The following MYO5B variants were observed in gnomAD, a reference collection of about 807,000 sequenced individuals.
MYO5B encodes the protein unconventional myosin-Vb.
Under a neutral mutation model 229.3 loss-of-function variants are expected in MYO5B, and 143 were observed. The ratio of observed to expected loss-of-function variants is 0.62; its 90% CI spans 0.54 to 0.72. The LOEUF is 0.72. Ranked by LOEUF, MYO5B falls within the 30% of genes least tolerant of loss-of-function variation. MYO5B has a pLI of 0.00. For missense variants in MYO5B, 2,321 were observed against 2,331.0 expected (o/e 1.00, Z 0.09); for synonymous variants, 918 against 885.2 (o/e 1.04, Z -0.66).
At chr18:49,865,298 C>G (rs2024383411) in intron 27 of MYO5B, among the ~76,000 whole-genome samples, 1 of 152,124 alleles carries the variant, frequency 6.6e-6, no homozygotes, top group South Asian at 2.1e-4. Flanking sequence ...GGCCAGGGCT[C>G]CTGACTCCTG....
chr18:49,917,796 G>A (rs994180700), intron 17 of MYO5B, among the ~76,000 whole-genome samples: 7 of 152,182 alleles, frequency 4.6e-5, no homozygotes, highest in African/African-American at 1.7e-4. Flanking sequence ...TGAGCATTCT[G>A]GACTTCAGTG....
intron 31 of MYO5B, among the ~76,000 whole-genome samples, chr18:49,852,110 C>T (rs1337351469): frequency 1.3e-5 from 2 of 152,224 alleles, no homozygotes; most frequent in Non-Finnish European, 2.9e-5. Flanking sequence ...GGTAGGACTC[C>T]TAAGGTAGGA....
intron 4 of MYO5B, among the ~76,000 whole-genome samples, chr18:50,009,550 A>T (rs1386120559): frequency 2.0e-5 from 3 of 152,230 alleles, no homozygotes; most frequent in Non-Finnish European, 4.4e-5. Context: ...AAGAAAAATC[A>T]GATTCGGGGA....
chr18:49,913,154 T>C (rs915664223), intron 17 of MYO5B, among the ~76,000 whole-genome samples: 1 of 152,200 alleles, frequency 6.6e-6, no homozygotes, highest in Non-Finnish European at 1.5e-5. Flanking sequence ...CCCCTACCTA[T>C]GTAGGTGAGT....
chr18:50,187,703 G>A (rs192028533), intron 1 of MYO5B, among the ~76,000 whole-genome samples: 55 of 152,262 alleles, frequency 3.6e-4, no homozygotes, highest in African/African-American at 1.3e-3. Flanking sequence ...TTTTTGTAGA[G>A]ATGAGGTCTC....
chr18:50,154,133 T>G (rs776953439), intron 1 of MYO5B, among the ~76,000 whole-genome samples: 1 of 152,060 alleles, frequency 6.6e-6, no homozygotes, highest in Non-Finnish European at 1.5e-5. Flanking sequence ...TGTGTAGGTC[T>G]GTATGTAGGT....
At chr18:49,856,709 G>A in intron 30 of MYO5B, 104 bp downstream of exon 30, 1 of 942,520 alleles carries the variant, frequency 1.1e-6, no homozygotes, top group Non-Finnish European at 1.7e-6. Context: ...CATGCCAACT[G>A]TTCCCCGTGC....
At position 49,921,842 on chromosome 18, in the gene MYO5B, G is replaced by A. The variant is rs962851291; in HGVS notation, c.2090+7670C>T. ...CAGGCTTCTGCAGTCCTGGGATGAC[G>A]CATTTTCTTTTCCTTTGCCATCTCC... is the stretch of plus-strand genomic sequence containing the variant. On this transcript the variant is annotated intron_variant, in intron 17 of 39. Coordinates refer to ENST00000285039, the MANE Select transcript of MYO5B (RefSeq NM_001080467.3). Among the ~76,000 whole-genome samples, 13 of 152,308 alleles carry A rather than the reference G, an allele frequency of 8.5e-5. No individual in the cohort carries two copies. The South Asian group carries it at 1.0e-3, about 12-fold the overall frequency.
intron 1 of MYO5B, among the ~76,000 whole-genome samples, chr18:50,089,397 T>G (rs889904163): frequency 6.6e-6 from 1 of 151,736 alleles, no homozygotes; most frequent in Non-Finnish European, 1.5e-5. Context: ...AAAAAAAAGT[T>G]ATAGGAACCT....
In MYO5B at chr18:50,020,918, T is replaced by G. The variant is rs181211368; in HGVS notation, c.455+15932A>C. Among the ~76,000 whole-genome samples, 45 of 152,300 alleles carry G rather than the reference T, an allele frequency of 3.0e-4. 1 individual carries two copies. The highest frequency in any genetic ancestry group is 1.7e-3 in the Admixed American group (26 of 15,304). On this transcript the variant is annotated intron_variant, in intron 4 of 39. Coordinates refer to ENST00000285039, the MANE Select transcript of MYO5B (RefSeq NM_001080467.3). ...TCTAATTACATACCTACTCAGAATT[T>G]TAAAAGCTGCTCTGTTTCTAGGGCA...
intron 30 of MYO5B, among the ~76,000 whole-genome samples, chr18:49,854,796 A>C (rs765154363): frequency 6.6e-6 from 1 of 152,190 alleles, no homozygotes; most frequent in Non-Finnish European, 1.5e-5. Flanking sequence ...GAGAATTATC[A>C]TAAGACAGGT....
At position 50,005,570 on chromosome 18, in the gene MYO5B, C is replaced by T. The variant is rs184153347; in HGVS notation, c.456-4159G>A. Among the ~76,000 whole-genome samples, 11 of 152,350 alleles carry T rather than the reference C, an allele frequency of 7.2e-5. No homozygotes were observed. In the Middle Eastern group the frequency reaches 0.01, roughly 141 times the overall value. On this transcript the variant is annotated intron_variant, in intron 4 of 39. Coordinates refer to ENST00000285039, the MANE Select transcript of MYO5B (RefSeq NM_001080467.3). ...GTATTATAGGCATAGGCATAGGCCA[C>T]CACATCTGGCTAATTTTTCTATTTT...
At chr18:49,918,275 GCTT>G (rs998814422) in intron 17 of MYO5B, among the ~76,000 whole-genome samples, 1 of 152,224 alleles carries the variant, frequency 6.6e-6, no homozygotes, top group African/African-American at 2.4e-5. Context: ...AGCACTTTGT[GCTT>G]CTTCTCCCTC....
intron 1 of MYO5B, among the ~76,000 whole-genome samples, chr18:50,084,315 T>A (rs2031282447): frequency 6.6e-6 from 1 of 152,156 alleles, no homozygotes; most frequent in East Asian, 1.9e-4. Context: ...TTTAACCATT[T>A]TTACTACTCT....
At chr18:49,911,819 C>G (rs62098757) in intron 18 of MYO5B, among the ~76,000 whole-genome samples, 1 of 152,060 alleles carries the variant, frequency 6.6e-6, no homozygotes, top group Admixed American at 6.6e-5. Flanking sequence ...TCGAGAGGAG[C>G]GCTGCCACAG....
intron 21 of MYO5B, among the ~76,000 whole-genome samples, chr18:49,901,541 C>A (rs906757592): frequency 2.0e-5 from 3 of 152,254 alleles, no homozygotes; most frequent in African/African-American, 7.2e-5. Context: ...GTTTCTCCTA[C>A]TGCATACCAG....
At chr18:49,992,473 G>C in intron 5 of MYO5B, 42 bp from the exon 6 acceptor site, 1 of 1,613,904 alleles carries the variant, frequency 6.2e-7, no homozygotes. Context: ...AAAAAAGAGG[G>C]CTTTCTTGAT....
At chr18:49,903,403 C>T (rs140640487) in intron 20 of MYO5B, among the ~76,000 whole-genome samples, 40 of 152,278 alleles carry the variant, frequency 2.6e-4, no homozygotes, top group African/African-American at 9.6e-4. Flanking sequence ...GAGCAATGAA[C>T]AGTGCCACAG....
chr18:49,911,842 T>C (rs1328710418), intron 18 of MYO5B, among the ~76,000 whole-genome samples: 1 of 152,176 alleles, frequency 6.6e-6, no homozygotes, highest in Non-Finnish European at 1.5e-5. Context: ...TTCCATTTTC[T>C]ATGCCTGCTG....
Sources: gnomAD v4.1 joint callset for allele counts (sites outside exome capture counted in the v4.1 genomes callset) on GRCh38, gnomAD v4.1.1 for gene constraint, MANE v1.5 for transcripts, NCBI Gene and HGNC (gene_info 2026-07-23, HGNC 2026-07-21) for gene names.